Variants in MAN2A2 observed in about 807,000 individuals in gnomAD.
The protein encoded by MAN2A2 is mannosidase alpha class 2A member 2, also known as alpha-mannosidase 2x.
Under a neutral mutation model 126.8 loss-of-function variants are expected in MAN2A2, and 79 were observed. The observed-to-expected ratio is 0.62, with a 90% CI of 0.52 to 0.75. The LOEUF (loss-of-function observed/expected upper bound fraction) is 0.75. Among genes scored for constraint, MAN2A2 ranks in the 30% least tolerant of loss-of-function variants. The pLI is 0.00. For synonymous variants in MAN2A2, 671 were observed against 618.7 expected, an observed-to-expected ratio of 1.08 and a Z score of -1.25; for missense variants, 1,392 against 1,522.4, an observed-to-expected ratio of 0.91 and a Z score of 1.43.
intron 20 of MAN2A2, 68 bp downstream of exon 20, chr15:90,916,324 G>C (rs1197340513): frequency 6.4e-7 from 1 of 1,569,282 alleles, no homozygotes; most frequent in Non-Finnish European, 8.7e-7. Flanking sequence ...GGGGGGTCCA[G>C]CCTAGGGCTC....
At chr15:90,917,413 C>G (rs2035270959) in intron 20 of MAN2A2, among the ~76,000 whole-genome samples, 1 of 152,208 alleles carries the variant, frequency 6.6e-6, no homozygotes. Context: ...GAACTCTGGT[C>G]TCAGCATGTC....
Position 90,905,237 on chromosome 15 carries a change from T to C in MAN2A2, c.133-14T>C. ...TAAGGAGCTGTGTGTGATTGCTTTC[T>C]GGTTTTTTGGCAGAGCCAAATTTCT... is the stretch of plus-strand genomic sequence containing the variant. On this transcript the variant is annotated splice_polypyrimidine_tract_variant and intron_variant, in intron 2 of 22. Transcript: ENST00000559717. The C allele has an allele frequency of 6.2e-7, 1 of 1,609,340 alleles. No homozygotes were observed. The highest frequency in any genetic ancestry group is 8.5e-7 in the Non-Finnish European group (1 of 1,179,644).
Position 90,913,829 on chromosome 15 carries a change from G to A in MAN2A2, c.2860+74G>A, listed in dbSNP as rs950223191. The A allele has an allele frequency of 5.5e-5, 82 of 1,479,762 alleles. 1 individual carries two copies. The highest frequency in any genetic ancestry group is 2.0e-4 in the East Asian group (8 of 40,338). The allele number at this position is 1,479,762 out of a possible 1,614,324, so 91.7% of individuals were successfully genotyped here. A position where few individuals can be genotyped will look rare whatever the true frequency, so the allele number is the denominator to read the frequency against. On this transcript the variant is annotated intron_variant, in intron 19 of 22. Transcript: ENST00000559717. The stretch of plus-strand genomic sequence containing the variant: ...CCGTCCCCACCCTCAAGGGCTCCCC[G>A]CTCTGTTGGCCTCCCTTGCCTCTTT...
At chr15:90,903,975 A>T in intron 1 of MAN2A2, 1 of 579,384 alleles carries the variant, frequency 1.7e-6, no homozygotes, top group Non-Finnish European at 3.1e-6. Flanking sequence ...CGTTTTTCAT[A>T]GCACCAGCCA....
Position 90,906,632 on chromosome 15 carries a change from C to T in MAN2A2, c.836-108C>T, listed in dbSNP as rs1057271270. 3.2e-6 allele frequency: 5 copies of T among 1,562,952 alleles called. No homozygotes were observed. The East Asian group carries it at 1.1e-4, about 35-fold the overall frequency. ...CCATGTGGGCCTGGTGTGATATCAT[C>T]TCTCCACTCACTACCAGGACAAGAG... is the stretch of plus-strand genomic sequence containing the variant. On this transcript the variant is annotated intron_variant, in intron 6 of 22. Coordinates refer to ENST00000559717, the MANE Select transcript of MAN2A2 (RefSeq NM_006122.4).
chr15:90,906,329 G>A (rs377332978), intron 5 of MAN2A2, 41 bp from the exon 6 acceptor site: 136 of 1,612,664 alleles, frequency 8.4e-5, no homozygotes, highest in Non-Finnish European at 8.1e-5. Flanking sequence ...GGACTGGGCA[G>A]AGTGTCCTGC....
intron 20 of MAN2A2, among the ~76,000 whole-genome samples, chr15:90,917,370 A>G (rs2035268284): frequency 6.6e-6 from 1 of 152,194 alleles, no homozygotes; most frequent in Non-Finnish European, 1.5e-5. Flanking sequence ...GGTCCAGGCT[A>G]AGGAAAGAGC....
Position 90,912,043 on chromosome 15 carries a change from G to A in MAN2A2, c.2110G>A (p.Val704Met), listed in dbSNP as rs779820291. The A allele has an allele frequency of 2.5e-6, 4 of 1,610,798 alleles. No individual in the cohort carries two copies. In the Admixed American group the frequency reaches 5.0e-5, roughly 20 times the overall value. ...ATEAVPDVYQVSVPVRLPALG... is the reference protein window; with the variant it reads ...ATEAVPDVYQMSVPVRLPALG... ...TTCCTCACCCCTCCTGTGCCCACAG[G>A]TGTCTGTGCCTGTCCGCCTGCCAGC... Residue 704 changes from valine (V) to methionine (M), a missense_variant and splice_region_variant, in exon 15 of 23, where the codon GTG (valine) becomes ATG (methionine). Physicochemically the swap from Val to Met is conservative, Grantham distance 21. Coordinates refer to ENST00000559717, the MANE Select transcript of MAN2A2 (RefSeq NM_006122.4).
intron 2 of MAN2A2, 102 bp downstream of exon 2, chr15:90,904,441 G>C: frequency 1.8e-5 from 24 of 1,335,530 alleles, no homozygotes; most frequent in Non-Finnish European, 2.3e-5. Flanking sequence ...CCGCTGGAGG[G>C]TAATGTCAGT....
intron 5 of MAN2A2, 88 bp downstream of exon 5, chr15:90,906,104 G>A (rs2034260957): frequency 6.4e-7 from 1 of 1,559,472 alleles, no homozygotes; most frequent in Non-Finnish European, 8.7e-7. Context: ...GGGTGCCAAG[G>A]TGGCAGGGAG....
intron 2 of MAN2A2, among the ~76,000 whole-genome samples, chr15:90,904,727 C>T (rs1348337303): frequency 6.6e-6 from 1 of 151,998 alleles, no homozygotes; most frequent in Admixed American, 6.6e-5. Context: ...GTAGCTGGGA[C>T]TACAGGAGCC....
At position 90,921,103 on chromosome 15, in the gene MAN2A2, A is replaced by G. The variant is rs1210271353; in HGVS notation, c.*1316A>G. 1.3e-5 allele frequency: 2 copies of G among 152,226 alleles called. No homozygotes were observed. Among genetic ancestry groups the G allele is most frequent in the Non-Finnish European group, 2.9e-5 (2 of 68,038 alleles). 9.4% of individuals were successfully genotyped at this position (152,226 alleles called of 1,614,324 possible). A position where few individuals can be genotyped will look rare whatever the true frequency, so the allele number is the denominator to read the frequency against. On this transcript the variant is annotated 3_prime_UTR_variant, in exon 23 of 23. Transcript: ENST00000559717. ...TATTATTCAGCAGTGTCCCGGCACT[A>G]CTAACCCCTGCAACAAGCCAGATGA...
chr15:90,904,092 C>G, intron 1 of MAN2A2, 98 bp from the exon 2 acceptor site: 1 of 1,407,112 alleles, frequency 7.1e-7, no homozygotes, highest in Non-Finnish European at 1.0e-6. Context: ...ATGGGTGTTC[C>G]TTTGGAACAG....
chr15:90,911,345 A>C, intron 13 of MAN2A2, 40 bp from the exon 14 acceptor site: 2 of 1,613,282 alleles, frequency 1.2e-6, no homozygotes, highest in African/African-American at 2.7e-5. Flanking sequence ...CCCTGGTCGG[A>C]AGCAGCAGCC....
At chr15:90,911,074 T>C in intron 12 of MAN2A2, 97 bp from the exon 13 acceptor site, 1 of 1,493,000 alleles carries the variant, frequency 6.7e-7, no homozygotes, top group Non-Finnish European at 9.3e-7. Context: ...GGATGAGTTC[T>C]GTGCCCAGTG....
chr15:90,907,006 GA>G (rs1567118452), intron 7 of MAN2A2, 93 bp downstream of exon 7: 5 of 1,471,602 alleles, frequency 3.4e-6, no homozygotes, highest in Non-Finnish European at 4.7e-6. Context: ...CTGTTCTTCA[GA>G]GCAGACCTGC....
At chr15:90,907,687 C>T (rs2151298569) in intron 8 of MAN2A2, among the ~76,000 whole-genome samples, 192 bp downstream of exon 8, 1 of 152,348 alleles carries the variant, frequency 6.6e-6, no homozygotes, top group South Asian at 2.1e-4. Context: ...CTTTTAGGTT[C>T]TCACATGAGT....
Position 90,909,413 on chromosome 15 carries a change from G to A in MAN2A2, c.1283G>A (p.Arg428Gln), listed in dbSNP as rs980236386. Reference protein sequence around the residue: ...VLLVPLGDDFRYDKPQEWDAQ... With the variant: ...VLLVPLGDDFQYDKPQEWDAQ... ...CTGGTGCCTCTTGGAGATGACTTCC[G>A]ATATGACAAGCCCCAGGAGTGGGAT... Residue 428 changes from arginine to glutamine, a missense_variant, in exon 9 of 23, where the codon CGA (arginine) becomes CAA (glutamine). Transcript: ENST00000559717. The A allele has an allele frequency of 3.1e-6, 5 of 1,614,114 alleles. No homozygotes were observed. The highest frequency in any genetic ancestry group is 1.7e-5 in the Admixed American group (1 of 60,022).
chr15:90,912,937 G>A lies in MAN2A2; in HGVS notation c.2530G>A (p.Val844Met), dbSNP rs2151315387. 3 of 1,614,106 alleles carry A rather than the reference G, an allele frequency of 1.9e-6. No individual in the cohort carries two copies. Among genetic ancestry groups the A allele is most frequent in the Non-Finnish European group, 2.5e-6 (3 of 1,179,980 alleles). The change falls in exon 17 of 23, where the codon GTG becomes ATG. Residue 844 changes from valine to methionine, a missense_variant. By Grantham distance (21) the Val-to-Met change is conservative (BLOSUM62 1). Transcript: ENST00000559717. Reference protein sequence around the residue: ...RVTEGPFFSEVVAYYEHIHQA... With the variant: ...RVTEGPFFSEMVAYYEHIHQA... ...CACTGAAGGCCCTTTCTTCTCAGAG[G>A]TGGTTGCGTACTATGAGCACATTCA...
Sources: gnomAD v4.1 joint callset for allele counts (sites outside exome capture counted in the v4.1 genomes callset) on GRCh38, gnomAD v4.1.1 for gene constraint, MANE v1.5 for transcripts, NCBI Gene and HGNC (gene_info 2026-07-23, HGNC 2026-07-21) for gene names.